The following STK3 variants were observed in gnomAD, a reference collection of about 807,000 sequenced individuals.
STK3 encodes serine/threonine kinase 3, also known as serine/threonine-protein kinase 3.
Under a neutral mutation model 58.0 loss-of-function variants are expected in STK3, and 41 were observed. The ratio of observed to expected loss-of-function variants is 0.71; its 90% confidence interval spans 0.55 to 0.92. STK3 has a LOEUF of 0.92. STK3 is among the 40% of genes least tolerant of loss of function. The pLI, the probability that STK3 is intolerant of heterozygous loss-of-function variation, is 0.00. For synonymous variants in STK3, 170 were observed against 191.0 expected (o/e 0.89, Z 0.91); for missense variants, 479 against 602.7 (o/e 0.79, Z 2.15).
intron 1 of STK3, among the ~76,000 whole-genome samples, chr8:98,912,545 A>G (rs1335273309): frequency 6.6e-6 from 1 of 152,162 alleles, no homozygotes; most frequent in Non-Finnish European, 1.5e-5. Flanking sequence ...GGCTCTCTTC[A>G]TAGGGATGGA....
chr8:98,369,896 C>T (rs1314377143), downstream of STK3, among the ~76,000 whole-genome samples: 6 of 152,016 alleles, frequency 3.9e-5, no homozygotes, highest in African/African-American at 1.5e-4. Context: ...CTTGGGCTTT[C>T]ATGGTGCCTA....
intron 6 of STK3, among the ~76,000 whole-genome samples, chr8:98,674,128 C>T (rs2084402473): frequency 6.6e-6 from 1 of 152,138 alleles, no homozygotes; most frequent in South Asian, 2.1e-4. Context: ...TGTACATTTA[C>T]TGCTATATGT....
chr8:98,783,161 G>A (rs565926179), intron 1 of STK3, among the ~76,000 whole-genome samples: 25 of 152,074 alleles, frequency 1.6e-4, no homozygotes, highest in African/African-American at 2.7e-4. Context: ...GTTCCATACC[G>A]CAACAATAAA....
At chr8:98,574,940 TCTTC>T (rs1354106626) in intron 8 of STK3, among the ~76,000 whole-genome samples, 1 of 152,148 alleles carries the variant, frequency 6.6e-6, no homozygotes, top group Admixed American at 6.5e-5. Flanking sequence ...GCACTTCCTG[TCTTC>T]CTTTTTTTTT....
intron 6 of STK3, among the ~76,000 whole-genome samples, chr8:98,705,516 A>G (rs1416970426): frequency 3.3e-5 from 5 of 152,140 alleles, no homozygotes; most frequent in Non-Finnish European, 7.3e-5. Context: ...TCGAAATTTA[A>G]CCCACAATGG....
intron 1 of STK3, among the ~76,000 whole-genome samples, chr8:98,934,030 T>A (rs769593699): frequency 1.3e-5 from 2 of 152,156 alleles, no homozygotes; most frequent in African/African-American, 4.8e-5. Flanking sequence ...CTGCTTGCAG[T>A]TTTGACTCTG....
intron 6 of STK3, among the ~76,000 whole-genome samples, chr8:98,643,151 T>A (rs925283680): frequency 1.3e-5 from 2 of 152,136 alleles, no homozygotes; most frequent in African/African-American, 2.4e-5. Flanking sequence ...CACTTGAGCC[T>A]GGGAGATCAA....
At chr8:98,636,000 A>G (rs778767448) in intron 6 of STK3, among the ~76,000 whole-genome samples, 5 of 152,078 alleles carry the variant, frequency 3.3e-5, no homozygotes, top group Admixed American at 6.6e-5. Flanking sequence ...CTATTTTTTT[A>G]TGCTTTCCCT....
intron 10 of STK3, among the ~76,000 whole-genome samples, chr8:98,467,345 A>G (rs1820548815): frequency 6.6e-6 from 1 of 152,074 alleles, no homozygotes; most frequent in African/African-American, 2.4e-5. Flanking sequence ...GTGCTTAATC[A>G]ATATTTATTG....
chr8:98,476,958 C>T (rs1247696112), intron 10 of STK3, among the ~76,000 whole-genome samples: 1 of 152,180 alleles, frequency 6.6e-6, no homozygotes, highest in Non-Finnish European at 1.5e-5. Context: ...ACTGCAAGAA[C>T]TCTCTGACCT....
chr8:98,748,150 T>C (rs1469846115), intron 4 of STK3, among the ~76,000 whole-genome samples: 2 of 152,190 alleles, frequency 1.3e-5, no homozygotes, highest in African/African-American at 4.8e-5. Context: ...TATTCCTACC[T>C]GATAACTTTA....
At chr8:98,525,475 G>C (rs966473505) in intron 10 of STK3, among the ~76,000 whole-genome samples, 6 of 150,390 alleles carry the variant, frequency 4.0e-5, no homozygotes, top group African/African-American at 1.5e-4. Flanking sequence ...ACAACTCTTT[G>C]AGGCTAAATA....
chr8:98,393,571 A>G (rs780133618), intron 3 of STK3: 3 of 152,096 alleles, frequency 2.0e-5, no homozygotes, highest in South Asian at 4.2e-4. Flanking sequence ...GGCCTCACAC[A>G]CTTCTGCCCT....
chr8:98,930,539 TA>T (rs776535108), intron 1 of STK3, among the ~76,000 whole-genome samples: 7 of 151,454 alleles, frequency 4.6e-5, no homozygotes, highest in South Asian at 2.1e-4. Context: ...TTATGTAGCT[TA>T]AAAAAAAATG....
At chr8:98,777,235 T>C (rs911193628) in intron 1 of STK3, among the ~76,000 whole-genome samples, 9 of 150,596 alleles carry the variant, frequency 6.0e-5, no homozygotes, top group Non-Finnish European at 8.9e-5. Context: ...AATGGTAAAA[T>C]AGCAGAAATG....
At chr8:98,888,560 T>C (rs916837497) in intron 1 of STK3, among the ~76,000 whole-genome samples, 2 of 152,128 alleles carry the variant, frequency 1.3e-5, no homozygotes, top group Admixed American at 6.5e-5. Context: ...AAATCTTAAA[T>C]AAAAGTGTAA....
In STK3 at chr8:98,650,621, G is replaced by A. The variant is rs570724973; in HGVS notation, c.685-54452C>T. On this transcript the variant is annotated intron_variant, in intron 6 of 10. Coordinates refer to ENST00000419617, the MANE Select transcript of STK3 (RefSeq NM_006281.4). ...GGTGACAGAGGGCACCTGGAAAAGC[G>A]GGTCACTCCCACCCTAATACTGTGC... is the stretch of plus-strand genomic sequence containing the variant. Among the ~76,000 whole-genome samples the A allele has an allele frequency of 9.2e-5, 14 of 152,304 alleles. No homozygotes were observed. In the Middle Eastern group the frequency reaches 0.014, roughly 148 times the overall value.
intron 4 of STK3, among the ~76,000 whole-genome samples, chr8:98,727,930 T>C (rs1467344769): frequency 6.6e-6 from 1 of 152,214 alleles, no homozygotes. Context: ...AAATCAATGG[T>C]TTCGAGAAAC....
intron 4 of STK3, among the ~76,000 whole-genome samples, chr8:98,708,356 A>G (rs1447257266): frequency 2.0e-5 from 3 of 152,178 alleles, no homozygotes; most frequent in Non-Finnish European, 2.9e-5. Flanking sequence ...TACATAAAGG[A>G]AAGTAAATGA....
Sources: gnomAD v4.1 joint callset for allele counts (sites outside exome capture counted in the v4.1 genomes callset) on GRCh38, gnomAD v4.1.1 for gene constraint, MANE v1.5 for transcripts, NCBI Gene and HGNC (gene_info 2026-07-23, HGNC 2026-07-21) for gene names.